PKN2: variants seen among roughly 807,000 people sequenced by gnomAD.
PKN2 encodes the protein protein kinase N2, also known as serine/threonine-protein kinase N2.
Under a neutral mutation model 119.1 loss-of-function variants are expected in PKN2, and 38 were observed. That is an observed-to-expected ratio of 0.32 (90% CI 0.25 to 0.42). The LOEUF (loss-of-function observed/expected upper bound fraction) is 0.42, where lower values mean the gene tolerates loss of function less well. Among genes scored for constraint, PKN2 ranks in the 10% least tolerant of loss-of-function variants. The probability of loss-of-function intolerance (pLI) is 1.00; values close to 1 mark genes in which losing one functional copy is unlikely to be tolerated. For synonymous variants in PKN2, 390 were observed against 384.9 expected (o/e 1.01, Z -0.15); for missense variants, 850 against 1,165.1 (o/e 0.73, Z 3.94).
At position 88,684,522 on chromosome 1, in the gene PKN2, C is replaced by G; in HGVS notation, c.-59C>G. 3 of 1,497,488 alleles carry G rather than the reference C, an allele frequency of 2.0e-6. No homozygotes were observed. The highest frequency in any genetic ancestry group is 2.7e-6 in the Non-Finnish European group (3 of 1,108,888). 92.8% of individuals were successfully genotyped at this position (1,497,488 alleles called of 1,614,324 possible). A position where few individuals can be genotyped will look rare whatever the true frequency, so the allele number is the denominator to read the frequency against. ...CTCACCCCCACCCCGAGCCCCGTCCCGCCTTCTCCCTTCGCCAGAGGCGGC... is the reference window on the plus strand; with the variant it reads ...CTCACCCCCACCCCGAGCCCCGTCCGGCCTTCTCCCTTCGCCAGAGGCGGC... On this transcript the variant is annotated 5_prime_UTR_variant, in exon 1 of 22. Transcript: ENST00000370521.
intron 19 of PKN2, 134 bp downstream of exon 19, chr1:88,828,757 G>A (rs1672607859): frequency 1.5e-6 from 1 of 688,420 alleles, no homozygotes; most frequent in Non-Finnish European, 2.4e-6. Context: ...TAGTATACTA[G>A]TAGTCAGCTA....
At chr1:88,710,390 T>C (rs1667179467) in intron 1 of PKN2, among the ~76,000 whole-genome samples, 1 of 152,216 alleles carries the variant, frequency 6.6e-6, no homozygotes, top group South Asian at 2.1e-4. Flanking sequence ...AGAACTACTT[T>C]TATTATTTCT....
chr1:88,758,877 A>T (rs1211822677), intron 2 of PKN2, among the ~76,000 whole-genome samples: 2 of 152,152 alleles, frequency 1.3e-5, no homozygotes, highest in East Asian at 3.8e-4. Flanking sequence ...TGACAGAACG[A>T]TTTATATTGC....
intron 6 of PKN2, 21 bp downstream of exon 6, chr1:88,771,900 G>T: frequency 6.6e-7 from 1 of 1,510,912 alleles, no homozygotes; most frequent in South Asian, 1.2e-5. Flanking sequence ...TATAGCCATT[G>T]TTTTTTGTGT....
rs1671868711 is a variant in PKN2 at position 88,813,670 on chromosome 1, A to G, written c.2216A>G (p.Tyr739Cys). Reference sequence around the variant, plus strand: ...GAGCATGTTTGCTTTGTAATGGAATATGCTGCCGGTGGGGACCTAATGATG... The same window carrying G: ...GAGCATGTTTGCTTTGTAATGGAATGTGCTGCCGGTGGGGACCTAATGATG... The part of the protein sequence containing the change: ...TKEHVCFVME[Y>C]AAGGDLMMHI... Residue 739 changes from tyrosine to cysteine, a missense_variant, in exon 16 of 22, where the codon TAT (tyrosine) becomes TGT (cysteine). Coordinates refer to ENST00000370521, the MANE Select transcript of PKN2 (RefSeq NM_006256.4). The G allele has an allele frequency of 4.4e-6, 7 of 1,608,876 alleles. No individual in the cohort carries two copies. The highest frequency in any genetic ancestry group is 5.9e-6 in the Non-Finnish European group (7 of 1,178,252).
intron 1 of PKN2, among the ~76,000 whole-genome samples, chr1:88,733,928 G>A (rs1219493107): frequency 6.6e-6 from 1 of 152,158 alleles, no homozygotes; most frequent in African/African-American, 2.4e-5. Flanking sequence ...GGGGGGTCAA[G>A]GCAGGAGGAT....
intron 1 of PKN2, among the ~76,000 whole-genome samples, chr1:88,701,500 T>C (rs1666767993): frequency 6.6e-6 from 1 of 152,230 alleles, no homozygotes; most frequent in Non-Finnish European, 1.5e-5. Context: ...GCCAGCTCTA[T>C]TGTCAGTGCC....
chr1:88,781,055 T>G, intron 6 of PKN2: 1 of 1,070,060 alleles, frequency 9.3e-7, no homozygotes, highest in Non-Finnish European at 1.2e-6. Flanking sequence ...AAAAAATTCT[T>G]TAAGCTCCTA....
chr1:88,807,477 G>T, intron 13 of PKN2, 34 bp downstream of exon 13: 1 of 1,604,892 alleles, frequency 6.2e-7, no homozygotes, highest in Admixed American at 1.7e-5. Context: ...GCGACTACAT[G>T]TTTGGTACCA....
chr1:88,759,294 C>T (rs190813718), intron 2 of PKN2, among the ~76,000 whole-genome samples: 2 of 152,266 alleles, frequency 1.3e-5, no homozygotes, highest in East Asian at 3.9e-4. Flanking sequence ...ACCTGGGAGG[C>T]AGAGGTTGCA....
intron 2 of PKN2, among the ~76,000 whole-genome samples, chr1:88,754,625 CTAGA>C (rs1413037608): frequency 1.7e-4 from 26 of 152,292 alleles, no homozygotes; most frequent in Admixed American, 1.6e-3. Flanking sequence ...TAGCTTGGAG[CTAGA>C]TAGCACAAGA....
At chr1:88,732,782 G>A (rs1304593924) in intron 1 of PKN2, among the ~76,000 whole-genome samples, 2 of 151,986 alleles carry the variant, frequency 1.3e-5, no homozygotes, top group Non-Finnish European at 2.9e-5. Context: ...ATGAAGTCTT[G>A]TAAGTGGATA....
intron 2 of PKN2, among the ~76,000 whole-genome samples, chr1:88,750,579 A>G (rs1668947290): frequency 6.6e-6 from 1 of 152,132 alleles, no homozygotes; most frequent in Non-Finnish European, 1.5e-5. Flanking sequence ...ATCTCCAGCT[A>G]GGCTGTGTTT....
At chr1:88,785,083 G>A (rs948426502) in intron 7 of PKN2, among the ~76,000 whole-genome samples, 22 of 152,172 alleles carry the variant, frequency 1.4e-4, no homozygotes, top group African/African-American at 5.1e-4. Context: ...ATGCCAAACT[G>A]AAGGTATACA....
At chr1:88,770,544 T>TG in intron 4 of PKN2, 75 bp downstream of exon 4, 1 of 796,676 alleles carries the variant, frequency 1.3e-6, no homozygotes, top group Non-Finnish European at 2.2e-6. Context: ...AGGGCAGTGG[T>TG]TCAAAGTTAA....
intron 16 of PKN2, among the ~76,000 whole-genome samples, chr1:88,820,229 T>TATATAA (rs1437781082): frequency 2.4e-5 from 1 of 41,908 alleles, no homozygotes; most frequent in Non-Finnish European, 4.5e-5. Flanking sequence ...TATATATATA[T>TATATAA]ATATAAATAG....
chr1:88,807,220 G>T (rs1481713029), intron 12 of PKN2, 93 bp from the exon 13 acceptor site: 12 of 943,358 alleles, frequency 1.3e-5, no homozygotes, highest in Non-Finnish European at 1.7e-5. Flanking sequence ...CATTTATATT[G>T]ACTTTTGAAA....
intron 2 of PKN2, among the ~76,000 whole-genome samples, chr1:88,743,661 A>G (rs963009334): frequency 1.3e-5 from 2 of 152,116 alleles, no homozygotes; most frequent in African/African-American, 2.4e-5. Flanking sequence ...TCACTCATCT[A>G]TTTTCAAGGC....
At chr1:88,710,906 C>G (rs1037490759) in intron 1 of PKN2, among the ~76,000 whole-genome samples, 1 of 152,152 alleles carries the variant, frequency 6.6e-6, no homozygotes, top group African/African-American at 2.4e-5. Flanking sequence ...CCTAAATGCC[C>G]ACCAATAATA....
Sources: gnomAD v4.1 joint callset for allele counts (sites outside exome capture counted in the v4.1 genomes callset) on GRCh38, gnomAD v4.1.1 for gene constraint, MANE v1.5 for transcripts, NCBI Gene and HGNC (gene_info 2026-07-23, HGNC 2026-07-21) for gene names.